Variants in MMACHC observed in about 807,000 individuals in gnomAD.
MMACHC encodes the protein metabolism of cobalamin associated C.
In MMACHC, 14 loss-of-function variants were observed where a neutral mutation model predicts 17.6. The ratio of observed to expected loss-of-function variants is 0.80; its 90% confidence interval spans 0.53 to 1.25. The LOEUF is 1.25. Among genes scored for constraint, MMACHC ranks in the 50% most tolerant of loss-of-function variants. MMACHC has a pLI of 0.00. For missense variants in MMACHC, 392 were observed against 364.5 expected, an observed-to-expected ratio of 1.08 and a Z score of -0.62; for synonymous variants, 151 against 142.1, an observed-to-expected ratio of 1.06 and a Z score of -0.45.
Position 45,509,344 on chromosome 1 carries a change from C to A in MMACHC, c.*129C>A. On this transcript the variant is annotated 3_prime_UTR_variant, in exon 4 of 4. Coordinates refer to ENST00000401061, the MANE Select transcript of MMACHC (RefSeq NM_015506.3). ...TAGTAGAGATCTTCCATGAAGATAA[C>A]AAGGCTCAAGGAAGTTAGGTTTGGC... 1.1e-5 allele frequency: 12 copies of A among 1,117,966 alleles called. No homozygotes were observed. Among genetic ancestry groups the A allele is most frequent in the Admixed American group, 6.7e-5 (3 of 44,648 alleles). 69.3% of individuals were successfully genotyped at this position (1,117,966 alleles called of 1,614,324 possible). A position where few individuals can be genotyped will look rare whatever the true frequency, so the allele number is the denominator to read the frequency against.
chr1:45,504,825 T>A (rs1041646654), intron 1 of MMACHC, among the ~76,000 whole-genome samples: 1 of 152,026 alleles, frequency 6.6e-6, no homozygotes, highest in Non-Finnish European at 1.5e-5. Flanking sequence ...ATAAAAATGG[T>A]TTTTTTGGCC....
Position 45,508,792 on chromosome 1 carries a change from C to G in MMACHC, c.430-4C>G. Reference sequence around the variant, plus strand: ...GACCTTGCTTTTCTTCACCCTCTCCCCAGCGCATATCAGGTGTGTGCATAC... The same window carrying G: ...GACCTTGCTTTTCTTCACCCTCTCCGCAGCGCATATCAGGTGTGTGCATAC... On this transcript the variant is annotated splice_polypyrimidine_tract_variant and splice_region_variant and intron_variant, in intron 3 of 3. Coordinates refer to ENST00000401061, the MANE Select transcript of MMACHC (RefSeq NM_015506.3). 6.2e-7 allele frequency: 1 copy of G among 1,613,336 alleles called. No individual in the cohort carries two copies. The highest frequency in any genetic ancestry group is 8.5e-7 in the Non-Finnish European group (1 of 1,179,630).
chr1:45,505,128 A>AAG (rs968545409), intron 1 of MMACHC, among the ~76,000 whole-genome samples: 8 of 150,576 alleles, frequency 5.3e-5, no homozygotes, highest in African/African-American at 2.0e-4. Context: ...TAAAAAAAAA[A>AAG]AAAAAAAAAG....
At position 45,507,374 on chromosome 1, in the gene MMACHC, C is replaced by T. The variant is rs758974575; in HGVS notation, c.100C>T (p.Leu34Phe). 63 of 1,614,048 alleles carry T rather than the reference C, an allele frequency of 3.9e-5. 1 individual carries two copies. The highest frequency in any genetic ancestry group is 7.6e-6 in the Non-Finnish European group (9 of 1,180,036). ...YPFQVAWYNELLPPAFHLPLP... is the reference protein window; with the variant it reads ...YPFQVAWYNEFLPPAFHLPLP... ...GTTTCAGGTGGCATGGTACAATGAA[C>T]TCTTGCCTCCAGCCTTCCACCTACC... The change falls in exon 2 of 4, where the codon CTC (leucine) becomes TTC (phenylalanine). Residue 34 changes from leucine (L) to phenylalanine (F), a missense_variant. Leu to Phe is a conservative substitution (Grantham distance 22, BLOSUM62 0). Coordinates refer to ENST00000401061, the MANE Select transcript of MMACHC (RefSeq NM_015506.3).
chr1:45,509,247 G>C lies in MMACHC; in HGVS notation c.*32G>C. Reference sequence around the variant, plus strand: ...CCCATGTGGACCCTGATTTATGGTGGTACTTGCTAGGACTTAATTGGCTTT... The same window carrying C: ...CCCATGTGGACCCTGATTTATGGTGCTACTTGCTAGGACTTAATTGGCTTT... On this transcript the variant is annotated 3_prime_UTR_variant, in exon 4 of 4. Transcript: ENST00000401061. 6.2e-7 allele frequency: 1 copy of C among 1,613,294 alleles called. No individual in the cohort carries two copies. Among genetic ancestry groups the C allele is most frequent in the Non-Finnish European group, 8.5e-7 (1 of 1,179,548 alleles).
rs562352742 is a variant in MMACHC, at chr1:45,503,548, G to A, written c.81+3135G>A. 7.1e-5 allele frequency among the ~76,000 whole-genome samples: 10 copies of A among 140,522 alleles called. No individual in the cohort carries two copies. The South Asian group carries it at 2.2e-3, about 32-fold the overall frequency. The allele number at this position is 140,522 out of a possible 152,430, so 92.2% of individuals were successfully genotyped here. A position where few individuals can be genotyped will look rare whatever the true frequency, so the allele number is the denominator to read the frequency against. On this transcript the variant is annotated intron_variant, in intron 1 of 3. Transcript: ENST00000401061. Reference sequence around the variant, plus strand: ...GCTCCCAGGTTCAAGCGATTCTCCCGCCTCAGCCTCCTGAGTAGCTGAGAT... The same window carrying A: ...GCTCCCAGGTTCAAGCGATTCTCCCACCTCAGCCTCCTGAGTAGCTGAGAT...
At chr1:45,505,542 C>T (rs556725796) in intron 1 of MMACHC, among the ~76,000 whole-genome samples, 4 of 152,154 alleles carry the variant, frequency 2.6e-5, no homozygotes, top group Non-Finnish European at 5.9e-5. Context: ...AGTCCTCCTA[C>T]CTCAGCCTCC....
intron 1 of MMACHC, among the ~76,000 whole-genome samples, chr1:45,503,353 G>A (rs1005310028): frequency 3.3e-5 from 5 of 151,676 alleles, no homozygotes; most frequent in African/African-American, 7.3e-5. Flanking sequence ...AGTCGAGATC[G>A]CGCCATTGCA....
intron 2 of MMACHC, 120 bp downstream of exon 2, chr1:45,507,670 A>C: frequency 8.7e-7 from 1 of 1,149,298 alleles, no homozygotes; most frequent in Middle Eastern, 2.6e-4. Flanking sequence ...ATGATACCCT[A>C]AAGCCAGGCT....
rs1001774683 is a variant in MMACHC at position 45,511,999 on chromosome 1, G to A, written c.*2784G>A. ...AAAGCACAGCCTTCAACCTTTTCCTGACAATGCCTAAGAATGTGCCTCAGG... is the reference window on the plus strand; with the variant it reads ...AAAGCACAGCCTTCAACCTTTTCCTAACAATGCCTAAGAATGTGCCTCAGG... On this transcript the variant is annotated 3_prime_UTR_variant, in exon 4 of 4. Transcript: ENST00000401061. 1.3e-5 allele frequency: 2 copies of A among 150,794 alleles called. No individual in the cohort carries two copies. The highest frequency in any genetic ancestry group is 4.9e-5 in the African/African-American group (2 of 41,032). The allele number at this position is 150,794 out of a possible 1,614,324, so 9.3% of individuals were successfully genotyped here. A position where few individuals can be genotyped will look rare whatever the true frequency, so the allele number is the denominator to read the frequency against.
chr1:45,507,043 G>A (rs181476864), intron 1 of MMACHC, among the ~76,000 whole-genome samples: 6 of 152,078 alleles, frequency 3.9e-5, no homozygotes, highest in East Asian at 2.0e-4. Flanking sequence ...AGTGCACATC[G>A]TAATCCCAGC....
intron 3 of MMACHC, 86 bp downstream of exon 3, chr1:45,508,450 A>G: frequency 6.7e-7 from 1 of 1,486,420 alleles, no homozygotes; most frequent in South Asian, 1.2e-5. Flanking sequence ...CCTTCCCTGG[A>G]TGGATGTGAC....
chr1:45,505,051 G>A (rs562887466), intron 1 of MMACHC, among the ~76,000 whole-genome samples: 6 of 147,962 alleles, frequency 4.1e-5, no homozygotes, highest in African/African-American at 1.2e-4. Flanking sequence ...AGGAGGCAGA[G>A]GTTGCAGTGA....
In MMACHC at chr1:45,511,261, A is replaced by C. The variant is rs1643737693; in HGVS notation, c.*2046A>C. The C allele has an allele frequency of 7.4e-7, 1 of 1,346,890 alleles. No homozygotes were observed. The highest frequency in any genetic ancestry group is 1.5e-5 in the African/African-American group (1 of 66,774). 83.4% of individuals were successfully genotyped at this position (1,346,890 alleles called of 1,614,324 possible). A position where few individuals can be genotyped will look rare whatever the true frequency, so the allele number is the denominator to read the frequency against. The stretch of plus-strand genomic sequence containing the variant: ...AGTCTTGTGTTTTACTAATGGAAAA[A>C]AAAAATACAGAAGAGGTTTTGTTCT... On this transcript the variant is annotated 3_prime_UTR_variant, in exon 4 of 4. Coordinates refer to ENST00000401061, the MANE Select transcript of MMACHC (RefSeq NM_015506.3).
intron 1 of MMACHC, among the ~76,000 whole-genome samples, chr1:45,505,428 C>G (rs796934006): frequency 1.8e-4 from 27 of 151,936 alleles, no homozygotes; most frequent in African/African-American, 6.3e-4. Flanking sequence ...AGCCTGGCGA[C>G]AGAGTGAGAA....
Position 45,500,408 on chromosome 1 carries a change from T to G in MMACHC, c.76T>G (p.Phe26Val), listed in dbSNP as rs1318571220. Residue 26 changes from phenylalanine to valine, a missense_variant, in exon 1 of 4, where the codon TTC (phenylalanine) becomes GTC (valine). Phe to Val is a conservative substitution (Grantham distance 50). Coordinates refer to ENST00000401061, the MANE Select transcript of MMACHC (RefSeq NM_015506.3). ...TCCTTTTGGCTTCGAGGTTTACCCC[T>G]TCCAGGTTAGTTTATCCCTCCTGCT... Reference protein sequence around the residue: ...LCPFGFEVYPFQVAWYNELLP... With the variant: ...LCPFGFEVYPVQVAWYNELLP... 6.2e-7 allele frequency: 1 copy of G among 1,614,074 alleles called. No individual in the cohort carries two copies. Among genetic ancestry groups the G allele is most frequent in the African/African-American group, 1.3e-5 (1 of 74,944 alleles).
Position 45,507,507 on chromosome 1 carries a change from C to T in MMACHC, c.233C>T (p.Pro78Leu). The T allele has an allele frequency of 6.2e-7, 1 of 1,614,188 alleles. No individual in the cohort carries two copies. Among genetic ancestry groups the T allele is most frequent in the Non-Finnish European group, 8.5e-7 (1 of 1,180,038 alleles). The change falls in exon 2 of 4, where the codon CCA (proline) becomes CTA (leucine). Residue 78 changes from proline (P) to leucine (L), a missense_variant. Physicochemically the swap from Pro to Leu is moderately conservative, Grantham distance 98. Coordinates refer to ENST00000401061, the MANE Select transcript of MMACHC (RefSeq NM_015506.3). ...QSCHLRMLTD[P>L]VDQCVAYHLG... is the part of the protein sequence containing the mutation. ...TGCCACCTCCGAATGCTGACTGACC[C>T]AGTGGACCAGTGTGTGGCCTACCAT...
chr1:45,509,273 G>C lies in MMACHC; in HGVS notation c.*58G>C. The C allele has an allele frequency of 6.3e-7, 1 of 1,598,978 alleles. No individual in the cohort carries two copies. The highest frequency in any genetic ancestry group is 1.1e-5 in the South Asian group (1 of 90,644). On this transcript the variant is annotated 3_prime_UTR_variant, in exon 4 of 4. Coordinates refer to ENST00000401061, the MANE Select transcript of MMACHC (RefSeq NM_015506.3). Reference sequence around the variant, plus strand: ...TACTTGCTAGGACTTAATTGGCTTTGGCAAAGCAAAAGGTTTTGAGTACAA... The same window carrying C: ...TACTTGCTAGGACTTAATTGGCTTTCGCAAAGCAAAAGGTTTTGAGTACAA...
chr1:45,503,602 C>A (rs564787793), intron 1 of MMACHC, among the ~76,000 whole-genome samples: 1 of 152,100 alleles, frequency 6.6e-6, no homozygotes, highest in African/African-American at 2.4e-5. Flanking sequence ...AGTTCCCTGC[C>A]ATATAATACA....
Sources: gnomAD v4.1 joint callset for allele counts (sites outside exome capture counted in the v4.1 genomes callset) on GRCh38, gnomAD v4.1.1 for gene constraint, MANE v1.5 for transcripts, NCBI Gene and HGNC (gene_info 2026-07-23, HGNC 2026-07-21) for gene names.